The following SNX29 variants were observed in gnomAD, a reference collection of about 807,000 sequenced individuals.
SNX29 encodes the protein sorting nexin-29.
Under a neutral mutation model 102.1 loss-of-function variants are expected in SNX29, and 78 were observed. The ratio of observed to expected loss-of-function variants is 0.76; its 90% CI spans 0.64 to 0.92. The LOEUF (loss-of-function observed/expected upper bound fraction) is 0.92. Ranked by LOEUF, SNX29 falls within the 40% of genes least tolerant of loss-of-function variation. SNX29 has a pLI of 0.00. For synonymous variants in SNX29, 580 were observed against 414.5 expected (o/e 1.40, Z -4.85); for missense variants, 1,280 against 1,061.7 (o/e 1.21, Z -2.86).
intron 13 of SNX29, among the ~76,000 whole-genome samples, chr16:12,130,426 G>A (rs1335798805): frequency 8.5e-6 from 1 of 116,990 alleles, no homozygotes; most frequent in African/African-American, 3.4e-5. Flanking sequence ...AGTGAGCTGA[G>A]ATCACGCCAC....
At chr16:12,091,839 C>T (rs1351493504) in intron 11 of SNX29, among the ~76,000 whole-genome samples, 1 of 150,648 alleles carries the variant, frequency 6.6e-6, no homozygotes, top group Admixed American at 6.6e-5. Context: ...GTAATGATGA[C>T]ACAGCAAGAA....
chr16:12,571,407 A>C lies in SNX29; in HGVS notation c.*2778A>C, dbSNP rs908823560. The stretch of plus-strand genomic sequence containing the variant: ...CTGAGGAAAGGATTGCTTGCACCTC[A>C]CATCTGTCTTCTTCTAAGATTACTC... On this transcript the variant is annotated 3_prime_UTR_variant, in exon 21 of 21. Coordinates refer to ENST00000566228, the MANE Select transcript of SNX29 (RefSeq NM_032167.5). The C allele has an allele frequency of 3.9e-5, 9 of 232,282 alleles. No homozygotes were observed. Among genetic ancestry groups the C allele is most frequent in the Middle Eastern group, 1.2e-3 (1 of 802 alleles). 14.4% of individuals were successfully genotyped at this position (232,282 alleles called of 1,614,324 possible).
At chr16:12,394,231 G>C (rs2083640387) in intron 16 of SNX29, among the ~76,000 whole-genome samples, 1 of 152,218 alleles carries the variant, frequency 6.6e-6, no homozygotes, top group Non-Finnish European at 1.5e-5. Context: ...TCACCCATCA[G>C]AGGTCCGTTT....
At chr16:12,344,065 C>T (rs2081698368) in intron 15 of SNX29, among the ~76,000 whole-genome samples, 1 of 152,180 alleles carries the variant, frequency 6.6e-6, no homozygotes. Flanking sequence ...TGAGAGGTTT[C>T]CTCTTTCTCT....
Position 12,568,532 on chromosome 16 carries a change from T to G in SNX29, c.2345T>G (p.Val782Gly). The G allele has an allele frequency of 6.2e-7, 1 of 1,609,914 alleles. No individual in the cohort carries two copies. Among genetic ancestry groups the G allele is most frequent in the Admixed American group, 1.7e-5 (1 of 60,020 alleles). ...FVDITPPGEP[V>G]NSRPKAASRF... ...GACATCACCCCGCCCGGAGAGCCTG[T>G]GAACAGCCGGCCCAAAGCAGCTTCC... Residue 782 changes from valine (V) to glycine (G), a missense_variant, in exon 21 of 21, where the codon GTG becomes GGG. By Grantham distance (109) the Val-to-Gly change is moderately radical (BLOSUM62 -3). Transcript: ENST00000566228.
chr16:12,235,418 T>C (rs2077896420), intron 14 of SNX29, among the ~76,000 whole-genome samples: 1 of 152,152 alleles, frequency 6.6e-6, no homozygotes, highest in Non-Finnish European at 1.5e-5. Context: ...AGTGATCCAT[T>C]TTCACATTTG....
chr16:12,149,275 G>A (rs1232587753), intron 13 of SNX29, among the ~76,000 whole-genome samples: 1 of 152,176 alleles, frequency 6.6e-6, no homozygotes, highest in Non-Finnish European at 1.5e-5. Flanking sequence ...CCAACTTCTC[G>A]TACAGAGGTT....
At chr16:12,373,455 C>T (rs60642545) in intron 16 of SNX29, among the ~76,000 whole-genome samples, 13,231 of 152,140 alleles carry the variant, frequency 0.087, 1,190 homozygotes, top group African/African-American at 0.23. Flanking sequence ...TTAAATGGGT[C>T]TAGGAATGCC....
intron 19 of SNX29, among the ~76,000 whole-genome samples, chr16:12,496,754 G>A (rs1308510032): frequency 3.9e-5 from 6 of 151,982 alleles, no homozygotes; most frequent in African/African-American, 1.5e-4. Context: ...CAAGTGATCC[G>A]CCCGCCTCGG....
At chr16:12,109,393 A>C (rs2053411426) in intron 11 of SNX29, among the ~76,000 whole-genome samples, 1 of 152,050 alleles carries the variant, frequency 6.6e-6, no homozygotes, top group African/African-American at 2.4e-5. Flanking sequence ...TAACTCATTC[A>C]TCCATGAGTG....
chr16:12,527,332 C>T (rs1012906500), intron 20 of SNX29: 69 of 527,342 alleles, frequency 1.3e-4, no homozygotes, highest in Non-Finnish European at 9.2e-5. Context: ...AGCTGGAAAG[C>T]TGAGCCTGAG....
intron 18 of SNX29, among the ~76,000 whole-genome samples, chr16:12,460,788 G>C (rs949097937): frequency 6.6e-6 from 1 of 151,690 alleles, no homozygotes; most frequent in Non-Finnish European, 1.5e-5. Context: ...CTCCTGAGTA[G>C]CTGGGACTAC....
At chr16:12,229,872 C>T (rs960797634) in intron 14 of SNX29, among the ~76,000 whole-genome samples, 3 of 152,170 alleles carry the variant, frequency 2.0e-5, no homozygotes, top group Non-Finnish European at 4.4e-5. Context: ...TCTGGTTGGA[C>T]TTACGAGATA....
intron 13 of SNX29, among the ~76,000 whole-genome samples, chr16:12,183,013 T>C (rs2076425787): frequency 6.6e-6 from 1 of 151,392 alleles, no homozygotes; most frequent in Non-Finnish European, 1.5e-5. Flanking sequence ...TTTTTCATGG[T>C]TGGGGGTAGA....
rs2056741674 is a variant in SNX29, at chr16:12,013,503, ATATATATATATATATATATATATAT to A, written c.122+10461_122+10485del. ...TCTACTGGGGGAAAAAAAAAAAAAT[ATATATATATATATATATATATATAT>A]ATATATATATATATCGAGAGAGGAG... On this transcript the variant is annotated intron_variant, in intron 3 of 20. Coordinates refer to ENST00000566228, the MANE Select transcript of SNX29 (RefSeq NM_032167.5). 1.1e-4 allele frequency among the ~76,000 whole-genome samples: 6 copies of A among 56,630 alleles called. 1 individual carries two copies. In the East Asian group the frequency reaches 1.9e-3, roughly 18 times the overall value. The allele number at this position is 56,630 out of a possible 152,430, so 37.2% of individuals were successfully genotyped here.
In SNX29 at chr16:12,109,105, G is replaced by C. The variant is rs544067572; in HGVS notation, c.1403-17528G>C. Among the ~76,000 whole-genome samples, 21 of 124,018 alleles carry C rather than the reference G, an allele frequency of 1.7e-4. No homozygotes were observed. In the East Asian group the frequency reaches 5.2e-3, roughly 31 times the overall value. The allele number at this position is 124,018 out of a possible 152,430, so 81.4% of individuals were successfully genotyped here. ...ATCATGCCATTGCACTCCAGCCTGG[G>C]CAATAGAGTGAGGCGCTGTCTCAAA... On this transcript the variant is annotated intron_variant, in intron 11 of 20. Transcript: ENST00000566228.
intron 20 of SNX29, among the ~76,000 whole-genome samples, chr16:12,561,560 G>T (rs533158694): frequency 6.6e-6 from 1 of 152,188 alleles, no homozygotes; most frequent in Admixed American, 6.5e-5. Context: ...CTGATGAGCA[G>T]TTGAGGCTGT....
chr16:12,123,462 CATACAT>C (rs1293107773), intron 11 of SNX29, among the ~76,000 whole-genome samples: 2 of 152,050 alleles, frequency 1.3e-5, no homozygotes, highest in African/African-American at 2.4e-5. Flanking sequence ...TCCTCATGTA[CATACAT>C]ATACATATAC....
intron 18 of SNX29, among the ~76,000 whole-genome samples, chr16:12,456,531 A>G (rs1331675372): frequency 2.8e-5 from 4 of 141,340 alleles, no homozygotes; most frequent in Admixed American, 7.1e-5. Context: ...GTGTGTGTGT[A>G]TGTGCATCTG....
Sources: allele counts gnomAD v4.1 joint callset (sites outside exome capture counted in the v4.1 genomes callset), GRCh38; gene constraint gnomAD v4.1.1; transcripts MANE v1.5; gene names NCBI Gene and HGNC (gene_info 2026-07-23, HGNC 2026-07-21).